The following FHAD1 variants were observed in gnomAD, a reference collection of about 807,000 sequenced individuals.
The protein encoded by FHAD1 is forkhead-associated domain-containing protein 1.
In FHAD1, 146 loss-of-function variants were observed where a neutral mutation model predicts 191.3. That is an observed-to-expected ratio of 0.76 (90% CI 0.67 to 0.88). FHAD1 has a LOEUF of 0.88. FHAD1 is among the 40% of genes least tolerant of loss of function. The probability of loss-of-function intolerance (pLI) is 0.00; values close to 1 mark genes in which losing one functional copy is unlikely to be tolerated. For synonymous variants in FHAD1, 616 were observed against 672.3 expected, an observed-to-expected ratio of 0.92 and a Z score of 1.29; for missense variants, 1,635 against 1,785.8, an observed-to-expected ratio of 0.92 and a Z score of 1.52.
chr1:15,271,606 T>TGGAAATAACTAATCGCATG (rs1553233829), intron 2 of FHAD1, among the ~76,000 whole-genome samples: 7 of 49,720 alleles, frequency 1.4e-4, no homozygotes, highest in Non-Finnish European at 2.5e-4. Flanking sequence ...TAAAAAGCAA[T>TGGAAATAACTAATCGCATG]GGAAATAACT....
chr1:15,343,411 T>C (rs1248959895), intron 16 of FHAD1, among the ~76,000 whole-genome samples: 1 of 148,348 alleles, frequency 6.7e-6, no homozygotes, highest in Non-Finnish European at 1.5e-5. Context: ...TCTTCCCAGA[T>C]ATCTCCTCTC....
chr1:15,314,258 C>T (rs907992092), intron 8 of FHAD1, among the ~76,000 whole-genome samples: 7 of 152,100 alleles, frequency 4.6e-5, no homozygotes, highest in Non-Finnish European at 1.0e-4. Context: ...TCTGCATGGG[C>T]ACCCAGGCAG....
At chr1:15,345,007 C>A in intron 16 of FHAD1, 76 bp from the exon 17 acceptor site, 1 of 1,106,400 alleles carries the variant, frequency 9.0e-7, no homozygotes. Flanking sequence ...GAAGAGGTAG[C>A]ACATGCAGTG....
chr1:15,364,781 G>A (rs1695884079), intron 23 of FHAD1, among the ~76,000 whole-genome samples: 1 of 152,094 alleles, frequency 6.6e-6, no homozygotes, highest in Non-Finnish European at 1.5e-5. Flanking sequence ...ATCTCCGCCA[G>A]GCTGCAGTTT....
intron 26 of FHAD1, 103 bp from the exon 27 acceptor site, chr1:15,374,399 A>C (rs933226557): frequency 1.4e-6 from 2 of 1,398,952 alleles, no homozygotes; most frequent in Non-Finnish European, 1.9e-6. Flanking sequence ...CAAAGGTGCT[A>C]AGTGACTGGG....
intron 3 of FHAD1, among the ~76,000 whole-genome samples, chr1:15,286,549 G>A (rs775858966): frequency 2.0e-5 from 3 of 152,162 alleles, no homozygotes; most frequent in Admixed American, 6.5e-5. Context: ...CCACGTCTGG[G>A]CTGCACCCCT....
At chr1:15,271,894 T>C (rs1368334573) in intron 2 of FHAD1, among the ~76,000 whole-genome samples, 1 of 152,180 alleles carries the variant, frequency 6.6e-6, no homozygotes, top group Non-Finnish European at 1.5e-5. Flanking sequence ...TAAATACCCA[T>C]GTGGAGTCAG....
At chr1:15,335,892 C>T (rs1371872079) in intron 14 of FHAD1, among the ~76,000 whole-genome samples, 1 of 152,152 alleles carries the variant, frequency 6.6e-6, no homozygotes, top group Non-Finnish European at 1.5e-5. Flanking sequence ...CCTCAGATCC[C>T]AACCATGATT....
At chr1:15,359,849 C>T (rs1052021610) in intron 21 of FHAD1, among the ~76,000 whole-genome samples, 3 of 152,130 alleles carry the variant, frequency 2.0e-5, no homozygotes, top group Non-Finnish European at 2.9e-5. Context: ...ACTCAGGAGG[C>T]TGAGGCAGGA....
Position 15,251,841 on chromosome 1 carries a change from A to G in FHAD1, c.57A>G (p.Thr19=), listed in dbSNP as rs765052442. The G allele has an allele frequency of 8.4e-6, 13 of 1,552,258 alleles. No homozygotes were observed. Among genetic ancestry groups the G allele is most frequent in the African/African-American group, 2.7e-5 (2 of 73,048 alleles). The change falls in exon 2 of 34, where the codon ACA becomes ACG. Residue 19 remains threonine (T), a synonymous_variant. Coordinates refer to ENST00000688493, the MANE Select transcript of FHAD1 (RefSeq NM_001391957.1). ...TTTTTGTCCTAAATAAAAGTACCAC[A>G]ATTGGAAGGCATGAAAATTCAGACC... ...EGFFVLNKST[T]IGRHENSDLV... is the part of the protein sequence containing the mutation.
intron 28 of FHAD1, among the ~76,000 whole-genome samples, chr1:15,379,205 G>T (rs1005704418): frequency 4.6e-5 from 7 of 152,172 alleles, no homozygotes; most frequent in African/African-American, 1.7e-4. Context: ...TCATTCGTGG[G>T]TGTTTCTCCG....
chr1:15,315,045 A>C (rs1428463769), intron 8 of FHAD1: 1 of 152,028 alleles, frequency 6.6e-6, no homozygotes, highest in Non-Finnish European at 1.5e-5. Context: ...ACCTTGGAAC[A>C]GGTCTGCCTT....
intron 18 of FHAD1, among the ~76,000 whole-genome samples, chr1:15,348,823 T>A (rs537495048): frequency 2.0e-4 from 31 of 152,148 alleles, no homozygotes; most frequent in African/African-American, 7.2e-4. Flanking sequence ...GACTTCCTGC[T>A]CCTCGGTTTC....
intron 6 of FHAD1, among the ~76,000 whole-genome samples, chr1:15,303,269 G>GTCC (rs1669389148): frequency 6.6e-6 from 1 of 152,154 alleles, no homozygotes; most frequent in Non-Finnish European, 1.5e-5. Context: ...AAAGGAGCTG[G>GTCC]TCCTATAGGA....
At chr1:15,274,484 C>T (rs574059585) in intron 3 of FHAD1, among the ~76,000 whole-genome samples, 37 of 151,892 alleles carry the variant, frequency 2.4e-4, no homozygotes, top group South Asian at 1.0e-3. Flanking sequence ...TGGTGGCGGG[C>T]GCCTGTAGTC....
chr1:15,248,845 C>T (rs1646421594), intron 1 of FHAD1, among the ~76,000 whole-genome samples: 1 of 152,166 alleles, frequency 6.6e-6, no homozygotes, highest in South Asian at 2.1e-4. Context: ...ACCTGGGCCT[C>T]CCAAAGTGCT....
chr1:15,366,033 A>C, intron 24 of FHAD1, 100 bp downstream of exon 24: 1 of 774,940 alleles, frequency 1.3e-6, no homozygotes, highest in Non-Finnish European at 2.1e-6. Context: ...CACGCCTATA[A>C]TCCCAGCACT....
chr1:15,363,141 G>A (rs1200260960), intron 23 of FHAD1, among the ~76,000 whole-genome samples: 4 of 152,224 alleles, frequency 2.6e-5, no homozygotes, highest in African/African-American at 7.2e-5. Flanking sequence ...GTTGCATCTG[G>A]TGAGGGCCTT....
intron 33 of FHAD1, chr1:15,393,176 G>A (rs1326039832): frequency 1.3e-5 from 2 of 150,432 alleles, no homozygotes; most frequent in Non-Finnish European, 1.5e-5. Flanking sequence ...CCAGGTTCAA[G>A]CGATTCTCCT....
Sources: gnomAD v4.1 joint callset for allele counts (sites outside exome capture counted in the v4.1 genomes callset) on GRCh38, gnomAD v4.1.1 for gene constraint, MANE v1.5 for transcripts, NCBI Gene and HGNC (gene_info 2026-07-23, HGNC 2026-07-21) for gene names.